The following VPS13B variants were observed in gnomAD, a reference collection of about 807,000 sequenced individuals.
The protein encoded by VPS13B is intermembrane lipid transfer protein VPS13B.
Under a neutral mutation model 426.4 loss-of-function variants are expected in VPS13B, and 285 were observed. The ratio of observed to expected loss-of-function variants is 0.67; its 90% CI spans 0.61 to 0.74. VPS13B has a LOEUF of 0.74. Among genes scored for constraint, VPS13B ranks in the 30% least tolerant of loss-of-function variants. The pLI is 0.00. For missense variants in VPS13B, 4,537 were observed against 4,782.6 expected, an observed-to-expected ratio of 0.95 and a Z score of 1.51; for synonymous variants, 1,676 against 1,676.4, an observed-to-expected ratio of 1.00 and a Z score of 0.01.
At chr8:99,589,711 G>A (rs1293907803) in intron 33 of VPS13B, among the ~76,000 whole-genome samples, 2 of 152,068 alleles carry the variant, frequency 1.3e-5, no homozygotes, top group Non-Finnish European at 2.9e-5. Flanking sequence ...AATCCTTTGG[G>A]TATATACCCA....
chr8:99,277,384 A>AT (rs1391155387), intron 19 of VPS13B, among the ~76,000 whole-genome samples: 7 of 152,128 alleles, frequency 4.6e-5, no homozygotes, highest in African/African-American at 1.4e-4. Flanking sequence ...TGGCTTAGGT[A>AT]TTTATGATAT....
At chr8:99,817,292 A>G (rs1713477038) in intron 44 of VPS13B, among the ~76,000 whole-genome samples, 1 of 151,868 alleles carries the variant, frequency 6.6e-6, no homozygotes, top group Non-Finnish European at 1.5e-5. Flanking sequence ...TCTGGCCAGC[A>G]CCTGAGCAGC....
At chr8:99,255,020 A>G (rs1286032234) in intron 17 of VPS13B, among the ~76,000 whole-genome samples, 1 of 152,012 alleles carries the variant, frequency 6.6e-6, no homozygotes, top group Non-Finnish European at 1.5e-5. Context: ...TAACTTTCTC[A>G]TAGGTCCTTA....
At chr8:99,526,227 A>G (rs1055095328) in intron 30 of VPS13B, among the ~76,000 whole-genome samples, 2 of 152,312 alleles carry the variant, frequency 1.3e-5, no homozygotes, top group Non-Finnish European at 1.5e-5. Flanking sequence ...ATTCAACCCT[A>G]AAAGAATCAT....
intron 32 of VPS13B, 120 bp downstream of exon 32, chr8:99,575,904 C>T: frequency 3.1e-6 from 3 of 983,238 alleles, no homozygotes; most frequent in Non-Finnish European, 4.6e-6. Flanking sequence ...ATAATAATGG[C>T]TACTATCATA....
chr8:99,233,116 G>C (rs1398619564), intron 17 of VPS13B: 2 of 1,357,688 alleles, frequency 1.5e-6, no homozygotes, highest in Non-Finnish European at 2.1e-6. Flanking sequence ...CTCTTGTACA[G>C]TTTCCCTGAT....
At chr8:99,015,280 G>T (rs1236023200) in intron 2 of VPS13B, among the ~76,000 whole-genome samples, 1 of 143,806 alleles carries the variant, frequency 7.0e-6, no homozygotes, top group Non-Finnish European at 1.5e-5. Context: ...GCAGTGGCAC[G>T]ATCTCGGCTC....
At chr8:99,214,583 A>G (rs555858498) in intron 17 of VPS13B, among the ~76,000 whole-genome samples, 2 of 152,252 alleles carry the variant, frequency 1.3e-5, no homozygotes, top group African/African-American at 2.4e-5. Context: ...CAATGTGTAT[A>G]GGTTTAACTG....
chr8:99,662,215 A>C (rs1367464034), intron 35 of VPS13B, among the ~76,000 whole-genome samples: 4 of 151,970 alleles, frequency 2.6e-5, no homozygotes, highest in Admixed American at 2.6e-4. Context: ...GGCATAACTA[A>C]AGTTTTTTTC....
intron 16 of VPS13B, among the ~76,000 whole-genome samples, chr8:99,189,151 G>A (rs530228103): frequency 2.6e-5 from 4 of 151,948 alleles, no homozygotes; most frequent in Non-Finnish European, 4.4e-5. Context: ...GGGTTTCACC[G>A]TGTTAGCCAG....
intron 33 of VPS13B, among the ~76,000 whole-genome samples, chr8:99,629,492 G>A (rs572950508): frequency 6.6e-6 from 1 of 152,282 alleles, no homozygotes; most frequent in East Asian, 1.9e-4. Context: ...GATAGAGACA[G>A]CTTGTTCTAC....
At chr8:99,492,373 T>C (rs1588434214) in intron 25 of VPS13B, among the ~76,000 whole-genome samples, 1 of 152,168 alleles carries the variant, frequency 6.6e-6, no homozygotes, top group Non-Finnish European at 1.5e-5. Context: ...TTGAATGACA[T>C]GCTGAGAGAA....
chr8:99,233,099 G>T, intron 17 of VPS13B: 1 of 1,378,708 alleles, frequency 7.3e-7, no homozygotes, highest in Non-Finnish European at 1.0e-6. Context: ...TACTCCTGCT[G>T]CTTCACCTCT....
At chr8:99,087,190 G>T (rs1845866235) in intron 3 of VPS13B, among the ~76,000 whole-genome samples, 1 of 152,156 alleles carries the variant, frequency 6.6e-6, no homozygotes, top group South Asian at 2.1e-4. Context: ...CTGCCCCCTT[G>T]CAGTTTGATC....
intron 33 of VPS13B, among the ~76,000 whole-genome samples, chr8:99,636,467 G>A (rs1042393887): frequency 6.6e-6 from 1 of 151,804 alleles, no homozygotes; most frequent in African/African-American, 2.4e-5. Context: ...ATATCTTAAA[G>A]GTTATTTTAC....
chr8:99,603,709 C>T (rs1486023901), intron 33 of VPS13B, among the ~76,000 whole-genome samples: 1 of 152,172 alleles, frequency 6.6e-6, no homozygotes, highest in African/African-American at 2.4e-5. Context: ...AACTTACGGA[C>T]TCTTTATTTC....
chr8:99,718,400 T>C (rs1273583016), intron 37 of VPS13B, among the ~76,000 whole-genome samples: 1 of 152,200 alleles, frequency 6.6e-6, no homozygotes, highest in East Asian at 1.9e-4. Context: ...TTACATGTGA[T>C]GATATCTGAT....
At chr8:99,523,566 GC>G (rs1333383816) in intron 30 of VPS13B, among the ~76,000 whole-genome samples, 1 of 152,228 alleles carries the variant, frequency 6.6e-6, no homozygotes, top group Admixed American at 6.5e-5. Context: ...AGGGAAGAGA[GC>G]AAGAGTCTTT....
chr8:99,158,037 C>T (rs1034920858), intron 15 of VPS13B, among the ~76,000 whole-genome samples: 1 of 152,168 alleles, frequency 6.6e-6, no homozygotes, highest in African/African-American at 2.4e-5. Context: ...TAAGAGAAGC[C>T]ATCTCCATAA....
Sources: allele counts gnomAD v4.1 joint callset (sites outside exome capture counted in the v4.1 genomes callset), GRCh38; gene constraint gnomAD v4.1.1; transcripts MANE v1.5; gene names NCBI Gene and HGNC (gene_info 2026-07-23, HGNC 2026-07-21).